The following NLRP5 variants were observed in gnomAD, a reference collection of about 807,000 sequenced individuals.
NLRP5 encodes NACHT, LRR and PYD domains-containing protein 5.
In NLRP5, 93 loss-of-function variants were observed where a neutral mutation model predicts 113.1. The observed-to-expected ratio is 0.82, with a 90% CI of 0.70 to 0.98. NLRP5 has a LOEUF of 0.98. Ranked by LOEUF, NLRP5 falls within the 50% of genes least tolerant of loss-of-function variation. The pLI, the probability that NLRP5 is intolerant of heterozygous loss-of-function variation, is 0.00. For synonymous variants in NLRP5, 751 were observed against 600.7 expected (o/e 1.25, Z -3.66); for missense variants, 1,808 against 1,514.3 (o/e 1.19, Z -3.22).
At chr19:56,012,577 A>C (rs766214425) in intron 3 of NLRP5, among the ~76,000 whole-genome samples, 1 of 1,376 alleles carries the variant, frequency 7.3e-4, no homozygotes, top group Non-Finnish European at 3.2e-3. Context: ...TCCATAACCC[A>C]AAAAAAAAAA....
At position 56,032,653 on chromosome 19, in the gene NLRP5, C is replaced by A. The variant is rs1301806780; in HGVS notation, c.2319C>A (p.Phe773Leu). The A allele has an allele frequency of 6.2e-7, 1 of 1,613,700 alleles. No homozygotes were observed. Among genetic ancestry groups the A allele is most frequent in the African/African-American group, 1.3e-5 (1 of 74,936 alleles). ...TCATTGAGGAGCAGTGGGAAGATTT[C>A]TGCTCCATGCTTGGCACCCACCCAC... Residue 773 changes from phenylalanine to leucine, a missense_variant, in exon 8 of 15, where the codon TTC (phenylalanine) becomes TTA (leucine). Phe to Leu is a conservative substitution (Grantham distance 22, BLOSUM62 0). Coordinates refer to ENST00000390649, the MANE Select transcript of NLRP5 (RefSeq NM_153447.4).
At chr19:55,991,835 T>C in the NLRP5 span, among the ~76,000 whole-genome samples, 1 of 152,124 alleles carries the variant, frequency 6.6e-6, no homozygotes, top group Non-Finnish European at 1.5e-5. Flanking sequence ...AGGGAGAGAG[T>C]ACAAAACTGA....
At chr19:56,024,945 G>A (rs1041827148) in intron 6 of NLRP5, among the ~76,000 whole-genome samples, 2 of 131,062 alleles carry the variant, frequency 1.5e-5, no homozygotes, top group African/African-American at 6.0e-5. Context: ...CATGACTCAT[G>A]TTACCACCTG....
chr19:56,058,526 T>C (rs1390224377), intron 14 of NLRP5, 116 bp downstream of exon 14: 4 of 880,852 alleles, frequency 4.5e-6, no homozygotes, highest in Non-Finnish European at 6.9e-6. Flanking sequence ...AGCCACATTT[T>C]ACTCCATTGG....
In NLRP5 at chr19:56,020,394, A is replaced by G. The variant is rs1468566272; in HGVS notation, c.642A>G (p.Glu214=). ...TTGCAGAAATTTCACAAGCTATGGA[A>G]CAAGAAGGTGCCACAGCAGCAGAGA... is the stretch of plus-strand genomic sequence containing the variant. The change falls in exon 6 of 15, where the codon GAA becomes GAG. Residue 214 remains glutamate (E), a synonymous_variant. Coordinates refer to ENST00000390649, the MANE Select transcript of NLRP5 (RefSeq NM_153447.4). 1.9e-6 allele frequency: 3 copies of G among 1,613,300 alleles called. No homozygotes were observed. The highest frequency in any genetic ancestry group is 2.2e-5 in the South Asian group (2 of 91,036).
chr19:56,004,104 G>A lies in NLRP5; in HGVS notation c.442+9G>A, dbSNP rs1174948528. 5.6e-6 allele frequency: 9 copies of A among 1,594,178 alleles called. No homozygotes were observed. Among genetic ancestry groups the A allele is most frequent in the Non-Finnish European group, 6.8e-6 (8 of 1,169,100 alleles). On this transcript the variant is annotated intron_variant, in intron 2 of 14. Transcript: ENST00000390649. ...ACGGGATGACATGAAAAGTAAGCGAGACTTGGGACAAGTCTAGGGCAGGGA... is the reference window on the plus strand; with the variant it reads ...ACGGGATGACATGAAAAGTAAGCGAAACTTGGGACAAGTCTAGGGCAGGGA...
At chr19:56,030,714 C>CTTTTTTTTTTT (rs770624516) in intron 7 of NLRP5, among the ~76,000 whole-genome samples, 879 of 71,262 alleles carry the variant, frequency 0.012, 182 homozygotes, top group African/African-American at 0.039. Context: ...CTTTCTTCTT[C>CTTTTTTTTTTT]TTTTTTTTTT....
chr19:56,043,524 T>G, intron 11 of NLRP5, among the ~76,000 whole-genome samples: 1 of 146,666 alleles, frequency 6.8e-6, no homozygotes, highest in South Asian at 2.2e-4. Flanking sequence ...CTATGGATTG[T>G]CTGTTTACTC....
rs571449266 is a variant in NLRP5, at chr19:56,011,558, G to A, written c.508+2705G>A. Among the ~76,000 whole-genome samples the A allele has an allele frequency of 7.2e-4, 110 of 152,166 alleles. 1 individual carries two copies. Among genetic ancestry groups the A allele is most frequent in the Middle Eastern group, 3.4e-3 (1 of 294 alleles). On this transcript the variant is annotated intron_variant, in intron 3 of 14. Coordinates refer to ENST00000390649, the MANE Select transcript of NLRP5 (RefSeq NM_153447.4). ...GATACATCCATCCGAAGTCAGCATC[G>A]TACGTATGACGACTACAAAGCCCAG...
At chr19:56,010,593 G>GAA (rs112910632) in intron 3 of NLRP5, among the ~76,000 whole-genome samples, 5,609 of 147,414 alleles carry the variant, frequency 0.038, 342 homozygotes, top group African/African-American at 0.13. Context: ...AAAAATACAG[G>GAA]AAAAAAAAAA....
At chr19:56,020,302 C>T (rs1001522234) in intron 5 of NLRP5, 73 bp from the exon 6 acceptor site, 1 of 1,571,206 alleles carries the variant, frequency 6.4e-7, no homozygotes, top group Non-Finnish European at 8.7e-7. Flanking sequence ...CATGACTAAG[C>T]TTATCTTGGG....
At chr19:56,008,932 C>G in intron 3 of NLRP5, 79 bp downstream of exon 3, 1 of 1,228,284 alleles carries the variant, frequency 8.1e-7, no homozygotes, top group Non-Finnish European at 1.2e-6. Flanking sequence ...GGCATTAGAA[C>G]CATGACTTCT....
intron 12 of NLRP5, 30 bp downstream of exon 12, chr19:56,050,618 C>G (rs1341076629): frequency 6.2e-7 from 1 of 1,605,024 alleles, no homozygotes; most frequent in Admixed American, 1.7e-5. Flanking sequence ...TGGGTCAACT[C>G]TATCATACTG....
chr19:55,997,929 A>G (rs1036525469), upstream of NLRP5, among the ~76,000 whole-genome samples: 11 of 152,118 alleles, frequency 7.2e-5, 1 homozygote, highest in Admixed American at 6.6e-4. Flanking sequence ...GATACTATTT[A>G]TACATCCATT....
At chr19:56,021,630 G>A (rs962888209) in intron 6 of NLRP5, among the ~76,000 whole-genome samples, 7 of 152,266 alleles carry the variant, frequency 4.6e-5, no homozygotes, top group Middle Eastern at 6.8e-3. Context: ...TCCAAAGCCC[G>A]TGTTCCAGTG....
At chr19:56,015,136 T>C (rs1982354606) in intron 3 of NLRP5, among the ~76,000 whole-genome samples, 1 of 152,220 alleles carries the variant, frequency 6.6e-6, no homozygotes, top group African/African-American at 2.4e-5. Flanking sequence ...TTTGTTAAAT[T>C]TGTCCTGAAA....
chr19:56,029,750 C>A (rs1983019094), intron 7 of NLRP5, among the ~76,000 whole-genome samples: 1 of 151,892 alleles, frequency 6.6e-6, no homozygotes, highest in African/African-American at 2.4e-5. Context: ...GCCTGGGCAA[C>A]AAAGTAAGAC....
chr19:56,055,791 C>A (rs112739817), intron 13 of NLRP5, among the ~76,000 whole-genome samples: 2 of 150,708 alleles, frequency 1.3e-5, no homozygotes, highest in Non-Finnish European at 3.0e-5. Context: ...ATGATCTGCC[C>A]GCCTTGGCCT....
intron 7 of NLRP5, among the ~76,000 whole-genome samples, chr19:56,031,018 TTTC>T (rs1353494567): frequency 6.6e-6 from 1 of 151,910 alleles, no homozygotes; most frequent in East Asian, 2.0e-4. Context: ...GGCCTCTATT[TTTC>T]TTTTATTCTT....
Sources: gnomAD v4.1 joint callset for allele counts (sites outside exome capture counted in the v4.1 genomes callset) on GRCh38, gnomAD v4.1.1 for gene constraint, MANE v1.5 for transcripts, NCBI Gene and HGNC (gene_info 2026-07-23, HGNC 2026-07-21) for gene names.